The following SHISA9 variants were observed in gnomAD, a reference collection of about 807,000 sequenced individuals.
SHISA9 encodes protein shisa-9.
A neutral mutation model predicts 38.0 loss-of-function variants in SHISA9; 13 were observed. The ratio of observed to expected loss-of-function variants is 0.34; its 90% CI spans 0.22 to 0.54. The LOEUF (loss-of-function observed/expected upper bound fraction) is 0.54. Among genes scored for constraint, SHISA9 ranks in the 20% least tolerant of loss-of-function variants. SHISA9 has a pLI of 0.91. For missense variants in SHISA9, 538 were observed against 575.8 expected, an observed-to-expected ratio of 0.93 and a Z score of 0.67; for synonymous variants, 275 against 242.0, an observed-to-expected ratio of 1.14 and a Z score of -1.27.
intron 2 of SHISA9, among the ~76,000 whole-genome samples, chr16:13,018,675 G>C (rs1011625275): frequency 6.6e-6 from 1 of 152,146 alleles, no homozygotes; most frequent in Admixed American, 6.5e-5. Context: ...TTTCCAAAGC[G>C]TACATCTGCT....
chr16:13,325,533 G>A, the SHISA9 span, among the ~76,000 whole-genome samples: 6 of 152,176 alleles, frequency 3.9e-5, no homozygotes, highest in Non-Finnish European at 8.8e-5. Flanking sequence ...GTTAGAGCAT[G>A]TATTTATACA....
intron 2 of SHISA9, among the ~76,000 whole-genome samples, chr16:13,120,388 A>G (rs1441753543): frequency 6.6e-6 from 1 of 152,122 alleles, no homozygotes; most frequent in Non-Finnish European, 1.5e-5. Context: ...CTTCCCCACG[A>G]AAAGGATGAA....
At chr16:13,166,349 C>T (rs569707292) in intron 2 of SHISA9, among the ~76,000 whole-genome samples, 4 of 152,318 alleles carry the variant, frequency 2.6e-5, no homozygotes, top group African/African-American at 7.2e-5. Context: ...TCCCAGCCCT[C>T]TTGATAAAGC....
chr16:13,359,502 A>C, the SHISA9 span, among the ~76,000 whole-genome samples: 121 of 152,206 alleles, frequency 7.9e-4, no homozygotes, highest in African/African-American at 2.8e-3. Flanking sequence ...AATAAATAGC[A>C]ATAATAATTT....
chr16:13,455,789 C>G, the SHISA9 span, among the ~76,000 whole-genome samples: 2 of 152,270 alleles, frequency 1.3e-5, no homozygotes, highest in South Asian at 4.2e-4. Flanking sequence ...CGCAGCCTCC[C>G]TCCCCCAGTA....
intron 2 of SHISA9, among the ~76,000 whole-genome samples, chr16:13,164,084 A>T (rs1567232399): frequency 6.6e-6 from 1 of 152,020 alleles, no homozygotes; most frequent in Non-Finnish European, 1.5e-5. Context: ...TACGTGTTGG[A>T]TCTCCCACTA....
At chr16:12,914,886 C>T (rs78144039) in intron 1 of SHISA9, among the ~76,000 whole-genome samples, 1,550 of 152,266 alleles carry the variant, frequency 0.01, 31 homozygotes, top group African/African-American at 0.035. Flanking sequence ...AGTTCCCAGG[C>T]GACACTGCTA....
At chr16:12,983,121 A>AT (rs1259004827) in intron 2 of SHISA9, among the ~76,000 whole-genome samples, 1 of 152,110 alleles carries the variant, frequency 6.6e-6, no homozygotes, top group Non-Finnish European at 1.5e-5. Context: ...TGGGGTGACC[A>AT]TTTTTTCATT....
intron 2 of SHISA9, among the ~76,000 whole-genome samples, chr16:12,942,702 C>G (rs1382433856): frequency 2.0e-5 from 3 of 152,218 alleles, no homozygotes; most frequent in Non-Finnish European, 4.4e-5. Flanking sequence ...TCCCTTTTCA[C>G]TTTGTTTACC....
chr16:13,251,450 G>A, the SHISA9 span, among the ~76,000 whole-genome samples: 3 of 152,144 alleles, frequency 2.0e-5, no homozygotes, highest in African/African-American at 7.2e-5. Flanking sequence ...CTCAGCATGT[G>A]CAAACCTGGA....
rs34832916 is a variant in SHISA9 at position 13,173,377 on chromosome 16, TACACACACACAC to T, written c.692-29995_692-29984del. ...TGGAAATGGCATGTATGTGTGCATG[TACACACACACAC>T]ACACACACACACACACACACATTTT... On this transcript the variant is annotated intron_variant, in intron 2 of 4. Coordinates refer to ENST00000558583, the MANE Select transcript of SHISA9 (RefSeq NM_001145204.3). Among the ~76,000 whole-genome samples the T allele has an allele frequency of 1.0e-4, 15 of 142,948 alleles. No homozygotes were observed. The South Asian group carries it at 1.6e-3, about 15-fold the overall frequency. 93.8% of individuals were successfully genotyped at this position (142,948 alleles called of 152,430 possible).
At chr16:13,134,553 T>G (rs2050332112) in intron 2 of SHISA9, among the ~76,000 whole-genome samples, 1 of 151,966 alleles carries the variant, frequency 6.6e-6, no homozygotes, top group Non-Finnish European at 1.5e-5. Flanking sequence ...GATTTTTTTG[T>G]TTTTTCAGGA....
At chr16:13,219,818 C>T in intron 4 of SHISA9, among the ~76,000 whole-genome samples, 1 of 152,094 alleles carries the variant, frequency 6.6e-6, no homozygotes, top group Non-Finnish European at 1.5e-5. Flanking sequence ...ATTAGCTGGG[C>T]ATGATAGTGG....
chr16:13,020,354 ATCC>A (rs1200904633), intron 2 of SHISA9, among the ~76,000 whole-genome samples: 2 of 151,852 alleles, frequency 1.3e-5, no homozygotes, highest in Non-Finnish European at 2.9e-5. Flanking sequence ...ATTCTCTTGC[ATCC>A]TCTGACCCTC....
chr16:13,079,027 T>C (rs1351936936), intron 2 of SHISA9, among the ~76,000 whole-genome samples: 2 of 152,376 alleles, frequency 1.3e-5, no homozygotes, highest in East Asian at 3.9e-4. Context: ...AGTGACCCTG[T>C]GTGAGTTATT....
the SHISA9 span, among the ~76,000 whole-genome samples, chr16:13,414,134 G>A: frequency 6.6e-6 from 1 of 152,204 alleles, no homozygotes; most frequent in Admixed American, 6.5e-5. Flanking sequence ...GCCAACAAAT[G>A]AGATGGAGTT....
chr16:13,267,905 G>A, the SHISA9 span, among the ~76,000 whole-genome samples: 1 of 150,098 alleles, frequency 6.7e-6, no homozygotes, highest in African/African-American at 2.5e-5. Context: ...TCAGCACCTG[G>A]CACTATTCTA....
chr16:12,940,444 CTCTT>C (rs1379757882), intron 2 of SHISA9, among the ~76,000 whole-genome samples: 1 of 147,062 alleles, frequency 6.8e-6, no homozygotes, highest in Admixed American at 6.8e-5. Context: ...CCCCATCTCT[CTCTT>C]CTCACCTCAC....
the SHISA9 span, among the ~76,000 whole-genome samples, chr16:13,536,808 A>G: frequency 6.6e-6 from 1 of 152,330 alleles, no homozygotes; most frequent in East Asian, 1.9e-4. Flanking sequence ...AAAGATTTTA[A>G]CTGTGAAACA....
Sources: allele counts gnomAD v4.1 joint callset (sites outside exome capture counted in the v4.1 genomes callset), GRCh38; gene constraint gnomAD v4.1.1; transcripts MANE v1.5; gene names NCBI Gene and HGNC (gene_info 2026-07-23, HGNC 2026-07-21).